The following TCERG1L variants were observed in gnomAD, a reference collection of about 807,000 sequenced individuals.
The protein encoded by TCERG1L is transcription elongation regulator 1-like protein.
TCERG1L carries 37 observed loss-of-function variants against 56.3 expected under a neutral mutation model. The ratio of observed to expected loss-of-function variants is 0.66; its 90% CI spans 0.51 to 0.87. The LOEUF is 0.87. Among genes scored for constraint, TCERG1L ranks in the 40% least tolerant of loss-of-function variants. TCERG1L has a pLI of 0.00. For synonymous variants in TCERG1L, 324 were observed against 326.3 expected (o/e 0.99, Z 0.08); for missense variants, 799 against 774.2 (o/e 1.03, Z -0.38).
At chr10:131,133,848 G>T (rs1191535006) in intron 8 of TCERG1L, among the ~76,000 whole-genome samples, 1 of 152,160 alleles carries the variant, frequency 6.6e-6, no homozygotes, top group Non-Finnish European at 1.5e-5. Context: ...CTTCCCACTG[G>T]CTGTGTGCAC....
At chr10:131,262,235 G>A (rs772899149) in intron 3 of TCERG1L, among the ~76,000 whole-genome samples, 35 of 152,196 alleles carry the variant, frequency 2.3e-4, no homozygotes, top group Non-Finnish European at 5.0e-4. Flanking sequence ...TGCTTGAATG[G>A]GAACAGACGC....
intron 4 of TCERG1L, among the ~76,000 whole-genome samples, chr10:131,193,366 AAG>A (rs2133465146): frequency 6.6e-6 from 1 of 152,350 alleles, no homozygotes; most frequent in East Asian, 1.9e-4. Flanking sequence ...TAGTTTAATT[AAG>A]TTCCATTTGC....
At chr10:131,175,730 CTT>C (rs879112149) in intron 4 of TCERG1L, among the ~76,000 whole-genome samples, 1 of 152,204 alleles carries the variant, frequency 6.6e-6, no homozygotes, top group Admixed American at 6.5e-5. Flanking sequence ...TCCAAGCACT[CTT>C]GTGTCAGGTA....
At chr10:131,168,397 C>T (rs1194845674) in intron 4 of TCERG1L, among the ~76,000 whole-genome samples, 1 of 152,204 alleles carries the variant, frequency 6.6e-6, no homozygotes, top group African/African-American at 2.4e-5. Flanking sequence ...TGGGCATTGG[C>T]ACCTGTCTGG....
chr10:131,148,895 C>G (rs540176897), intron 6 of TCERG1L, among the ~76,000 whole-genome samples: 1 of 152,346 alleles, frequency 6.6e-6, no homozygotes, highest in Admixed American at 6.5e-5. Flanking sequence ...AATGGGCTTC[C>G]CCCTCGGGGC....
intron 4 of TCERG1L, among the ~76,000 whole-genome samples, chr10:131,224,954 A>C (rs1358037983): frequency 6.6e-6 from 1 of 152,210 alleles, no homozygotes; most frequent in African/African-American, 2.4e-5. Flanking sequence ...TGTAGTTTGT[A>C]ATCATGACCA....
At chr10:131,246,341 G>A (rs1846037018) in intron 4 of TCERG1L, among the ~76,000 whole-genome samples, 2 of 152,138 alleles carry the variant, frequency 1.3e-5, no homozygotes, top group Admixed American at 1.3e-4. Flanking sequence ...GAAGTGCTGA[G>A]CAAGGAGAGA....
intron 4 of TCERG1L, among the ~76,000 whole-genome samples, chr10:131,168,798 C>T (rs918330294): frequency 5.9e-5 from 9 of 151,360 alleles, no homozygotes; most frequent in East Asian, 2.0e-4. Flanking sequence ...TGCCACTTTA[C>T]GAGGGTGTCC....
chr10:131,107,729 G>A (rs1845367660), intron 9 of TCERG1L, among the ~76,000 whole-genome samples: 1 of 152,082 alleles, frequency 6.6e-6, no homozygotes, highest in African/African-American at 2.4e-5. Context: ...GCACACATGT[G>A]TGTGACTATA....
intron 4 of TCERG1L, among the ~76,000 whole-genome samples, chr10:131,172,194 G>GT (rs148490931): frequency 0.011 from 1,687 of 152,170 alleles, 33 homozygotes; most frequent in African/African-American, 0.038. Flanking sequence ...CCATGAGGCT[G>GT]TAAGAACATG....
chr10:131,188,671 TG>T (rs1163853276), intron 4 of TCERG1L, among the ~76,000 whole-genome samples: 1 of 152,158 alleles, frequency 6.6e-6, no homozygotes, highest in Non-Finnish European at 1.5e-5. Context: ...TTTTCGCATG[TG>T]TAAATTGTAT....
intron 9 of TCERG1L, among the ~76,000 whole-genome samples, chr10:131,115,229 C>T (rs758137244): frequency 2.6e-5 from 4 of 152,218 alleles, no homozygotes; most frequent in Admixed American, 1.3e-4. Context: ...AAGAAGAGTC[C>T]GTGAAGGCAC....
intron 4 of TCERG1L, among the ~76,000 whole-genome samples, chr10:131,208,934 T>G (rs1373497921): frequency 6.6e-6 from 1 of 151,952 alleles, no homozygotes; most frequent in Non-Finnish European, 1.5e-5. Context: ...GGCAGGCGCC[T>G]GTAGTCCCAG....
At chr10:131,308,830 T>G (rs1846844228) in intron 2 of TCERG1L, among the ~76,000 whole-genome samples, 1 of 152,236 alleles carries the variant, frequency 6.6e-6, no homozygotes, top group Non-Finnish European at 1.5e-5. Context: ...AAACTTCAAC[T>G]GGTATTGTGT....
chr10:131,268,416 A>G (rs1333118240), intron 3 of TCERG1L, among the ~76,000 whole-genome samples: 1 of 152,148 alleles, frequency 6.6e-6, no homozygotes, highest in Non-Finnish European at 1.5e-5. Flanking sequence ...ATCGTTCTTG[A>G]GGGCCTTAGG....
In TCERG1L at chr10:131,111,887, G is replaced by C. The variant is rs1032543701; in HGVS notation, c.1395+4912C>G. On this transcript the variant is annotated intron_variant, in intron 9 of 11. Coordinates refer to ENST00000368642, the MANE Select transcript of TCERG1L (RefSeq NM_174937.4). ...CCTTGCAGCTGCCAAATAAGACACC[G>C]GCAGCCGAAAGGCATCTCCAGGTCC... Among the ~76,000 whole-genome samples the C allele has an allele frequency of 2.1e-5, 3 of 143,284 alleles. 1 individual carries two copies. Among genetic ancestry groups the C allele is most frequent in the African/African-American group, 7.4e-5 (3 of 40,608 alleles). The allele number at this position is 143,284 out of a possible 152,430, so 94.0% of individuals were successfully genotyped here.
In TCERG1L at chr10:131,260,477, G is replaced by C. The variant is rs772207033; in HGVS notation, c.671-33C>G. 127 of 1,366,396 alleles carry C rather than the reference G, an allele frequency of 9.3e-5. No homozygotes were observed. The highest frequency in any genetic ancestry group is 1.1e-4 in the Non-Finnish European group (121 of 1,056,120). The allele number at this position is 1,366,396 out of a possible 1,614,324, so 84.6% of individuals were successfully genotyped here. A position where few individuals can be genotyped will look rare whatever the true frequency, so the allele number is the denominator to read the frequency against. ...AGAGGGATGCAGAGGGTCAGCAAGG[G>C]GACGACCAGGGCCATGGGTGACAGA... On this transcript the variant is annotated intron_variant, in intron 3 of 11. Coordinates refer to ENST00000368642, the MANE Select transcript of TCERG1L (RefSeq NM_174937.4). The surrounding 1 kb of genome is among the most constrained non-coding windows in gnomAD (Gnocchi z 5.8).
At chr10:131,146,700 A>C in intron 6 of TCERG1L, 40 bp from the exon 7 acceptor site, 1 of 1,571,820 alleles carries the variant, frequency 6.4e-7, no homozygotes, top group Non-Finnish European at 8.6e-7. Flanking sequence ...GCTCTCGGAG[A>C]CACTTAATTA....
At chr10:131,219,753 G>A (rs1845711326) in intron 4 of TCERG1L, among the ~76,000 whole-genome samples, 1 of 152,174 alleles carries the variant, frequency 6.6e-6, no homozygotes, top group Non-Finnish European at 1.5e-5. Context: ...GTGTCCTGAG[G>A]GACCATTTAT....
Sources: allele counts gnomAD v4.1 joint callset (sites outside exome capture counted in the v4.1 genomes callset), GRCh38; gene constraint gnomAD v4.1.1; non-coding constraint Gnocchi (gnomAD v3.1); transcripts MANE v1.5; gene names NCBI Gene and HGNC (gene_info 2026-07-23, HGNC 2026-07-21).